Variants in ANO3 observed in about 807,000 individuals in gnomAD.
ANO3 encodes the protein anoctamin 3, also known as anoctamin-3.
Under a neutral mutation model 144.8 loss-of-function variants are expected in ANO3, and 99 were observed. The ratio of observed to expected loss-of-function variants is 0.68; its 90% CI spans 0.58 to 0.81. The LOEUF is 0.81. Among genes scored for constraint, ANO3 ranks in the 30% least tolerant of loss-of-function variants. The pLI is 0.00. For missense variants in ANO3, 905 were observed against 1,202.2 expected (o/e 0.75, Z 3.66); for synonymous variants, 414 against 392.6 (o/e 1.05, Z -0.64).
chr11:26,404,336 G>A (rs900468937), intron 1 of ANO3, among the ~76,000 whole-genome samples: 1 of 151,716 alleles, frequency 6.6e-6, no homozygotes, highest in Middle Eastern at 3.2e-3. Context: ...TAAGAATTCT[G>A]GGCTTACATA....
intron 1 of ANO3, among the ~76,000 whole-genome samples, chr11:26,246,806 A>C (rs2133816042): frequency 6.6e-6 from 1 of 152,088 alleles, no homozygotes; most frequent in Non-Finnish European, 1.5e-5. Context: ...ATGATTTTAT[A>C]AAAGGCAGTT....
chr11:26,301,841 A>G (rs771767227), intron 1 of ANO3, among the ~76,000 whole-genome samples: 5 of 152,222 alleles, frequency 3.3e-5, no homozygotes, highest in South Asian at 2.1e-4. Flanking sequence ...ATGTCATCTC[A>G]AAAGACAAGG....
At chr11:26,240,070 C>T (rs1044046510) in intron 1 of ANO3, among the ~76,000 whole-genome samples, 2 of 152,124 alleles carry the variant, frequency 1.3e-5, no homozygotes, top group African/African-American at 2.4e-5. Flanking sequence ...CTTATTGGGG[C>T]AAATTACTTA....
intron 1 of ANO3, among the ~76,000 whole-genome samples, chr11:26,191,353 C>G (rs1851473958): frequency 6.6e-6 from 1 of 151,930 alleles, no homozygotes. Context: ...CACACACACA[C>G]ACACACACAT....
chr11:26,616,359 A>G (rs185140498), intron 17 of ANO3, among the ~76,000 whole-genome samples: 25 of 151,950 alleles, frequency 1.6e-4, no homozygotes, highest in African/African-American at 4.6e-4. Flanking sequence ...AAGAATCACA[A>G]TGACTTTTCA....
chr11:26,227,691 C>T (rs1352096039), intron 1 of ANO3, among the ~76,000 whole-genome samples: 5 of 152,052 alleles, frequency 3.3e-5, no homozygotes, highest in African/African-American at 7.2e-5. Context: ...TTGTGCTGCC[C>T]GTGTACTTCT....
chr11:26,631,728 A>G (rs1278000308), intron 18 of ANO3, among the ~76,000 whole-genome samples: 1 of 152,182 alleles, frequency 6.6e-6, no homozygotes, highest in East Asian at 1.9e-4. Context: ...TATTAGGGAA[A>G]CTAGAGGCAA....
chr11:26,418,576 G>T lies in ANO3; in HGVS notation c.47-23342G>T, dbSNP rs72884594. On this transcript the variant is annotated intron_variant, in intron 1 of 26. Coordinates refer to ENST00000256737, the MANE Select transcript of ANO3 (RefSeq NM_031418.4). ...TAAACATTAAAAAACTTTGCTGCTT[G>T]CCAGAAATACTGTAAGACTTTACAT... Among the ~76,000 whole-genome samples the T allele has an allele frequency of 3.0e-3, 458 of 152,140 alleles. 3 individuals carry two copies. The highest frequency in any genetic ancestry group is 5.6e-3 in the Non-Finnish European group (381 of 67,990).
chr11:26,518,661 C>T (rs923691321), intron 6 of ANO3, among the ~76,000 whole-genome samples: 6 of 151,468 alleles, frequency 4.0e-5, no homozygotes, highest in African/African-American at 7.3e-5. Flanking sequence ...ATGTTATTAG[C>T]GGATATAAGC....
chr11:26,463,498 A>G (rs1357196325), intron 4 of ANO3, among the ~76,000 whole-genome samples: 1 of 151,850 alleles, frequency 6.6e-6, no homozygotes, highest in African/African-American at 2.4e-5. Flanking sequence ...CATTTCTACT[A>G]CCCAGTTGTA....
chr11:26,381,168 A>C (rs1856580907), intron 1 of ANO3, among the ~76,000 whole-genome samples: 1 of 152,110 alleles, frequency 6.6e-6, no homozygotes, highest in Non-Finnish European at 1.5e-5. Context: ...TAATAGACTA[A>C]ACTGATTTAG....
At chr11:26,631,825 A>G (rs550768174) in intron 18 of ANO3, among the ~76,000 whole-genome samples, 3 of 152,292 alleles carry the variant, frequency 2.0e-5, no homozygotes, top group Non-Finnish European at 4.4e-5. Flanking sequence ...TTTAAAGTAT[A>G]GATAGCAAAA....
intron 1 of ANO3, among the ~76,000 whole-genome samples, chr11:26,390,507 G>A (rs536604054): frequency 2.0e-5 from 3 of 152,098 alleles, no homozygotes; most frequent in South Asian, 2.1e-4. Context: ...GTAAGATAAG[G>A]AAGTTGGCAT....
chr11:26,524,199 A>G (rs1263902399), intron 6 of ANO3, among the ~76,000 whole-genome samples: 2 of 152,218 alleles, frequency 1.3e-5, no homozygotes, highest in Non-Finnish European at 2.9e-5. Context: ...TTTACAGTCC[A>G]GTAAGAATTG....
At chr11:26,246,456 TTATATATA>T (rs150219099) in intron 1 of ANO3, among the ~76,000 whole-genome samples, 7 of 140,028 alleles carry the variant, frequency 5.0e-5, no homozygotes, top group South Asian at 4.7e-4. Context: ...AGTGTAGTCT[TTATATATA>T]TATATATATA....
intron 14 of ANO3, among the ~76,000 whole-genome samples, chr11:26,594,722 G>A (rs1851558253): frequency 6.6e-6 from 1 of 152,060 alleles, no homozygotes; most frequent in Non-Finnish European, 1.5e-5. Flanking sequence ...AGGGCAGGGA[G>A]GTAGACTCTG....
Position 26,342,390 on chromosome 11 carries a change from T to C in ANO3, c.46+10069T>C, listed in dbSNP as rs143559904. ...TGAGGGTAGATTCATATAGGATGAG[T>C]GCCTTCTGAAGGGGCTAAAGAGAAC... is the stretch of plus-strand genomic sequence containing the variant. On this transcript the variant is annotated intron_variant, in intron 1 of 26. Transcript: ENST00000256737. Among the ~76,000 whole-genome samples the C allele has an allele frequency of 6.5e-3, 995 of 152,256 alleles. 9 individuals are homozygous for C. Among genetic ancestry groups the C allele is most frequent in the African/African-American group, 0.022 (926 of 41,534 alleles).
intron 1 of ANO3, among the ~76,000 whole-genome samples, chr11:26,289,015 T>A (rs570611544): frequency 1.3e-5 from 2 of 152,292 alleles, no homozygotes; most frequent in East Asian, 3.9e-4. Context: ...TAATATTACA[T>A]TCATTCAACA....
chr11:26,216,687 C>G (rs4313531), intron 1 of ANO3, among the ~76,000 whole-genome samples: 45,926 of 151,852 alleles, frequency 0.3, 7,694 homozygotes, highest in Non-Finnish European at 0.37. Flanking sequence ...TTGAAATAAA[C>G]AGCCAAACTG....
Sources: allele counts gnomAD v4.1 joint callset (sites outside exome capture counted in the v4.1 genomes callset), GRCh38; gene constraint gnomAD v4.1.1; transcripts MANE v1.5; gene names NCBI Gene and HGNC (gene_info 2026-07-23, HGNC 2026-07-21).